Variants in ATP10B observed in about 807,000 individuals in gnomAD.
The protein encoded by ATP10B is phospholipid-transporting ATPase VB.
In ATP10B, 122 loss-of-function variants were observed where a neutral mutation model predicts 141.2. The observed-to-expected ratio is 0.86, with a 90% CI of 0.75 to 1.00. The LOEUF (loss-of-function observed/expected upper bound fraction) is 1.00. Among genes scored for constraint, ATP10B ranks in the 50% least tolerant of loss-of-function variants. ATP10B has a pLI of 0.00. For missense variants in ATP10B, 1,876 were observed against 1,825.3 expected (o/e 1.03, Z -0.51); for synonymous variants, 685 against 692.0 (o/e 0.99, Z 0.16).
At chr5:160,592,530 T>C (rs1298020824) in intron 22 of ATP10B, among the ~76,000 whole-genome samples, 1 of 152,156 alleles carries the variant, frequency 6.6e-6, no homozygotes, top group Admixed American at 6.5e-5. Flanking sequence ...AGGTACCGGG[T>C]TCATCTCACT....
At chr5:160,774,508 T>C (rs911901544) in intron 2 of ATP10B, among the ~76,000 whole-genome samples, 4 of 152,204 alleles carry the variant, frequency 2.6e-5, no homozygotes, top group Non-Finnish European at 5.9e-5. Context: ...ACATCATATC[T>C]GCAAGCTGTT....
Position 160,652,868 on chromosome 5 carries a change from A to T in ATP10B, c.676-3612T>A, listed in dbSNP as rs1414355978. On this transcript the variant is annotated intron_variant, in intron 7 of 25. Coordinates refer to ENST00000327245, the MANE Select transcript of ATP10B (RefSeq NM_025153.3). ...ATAAAAAGATTATAAATTATATATA[A>T]TATATATAATATATATATAATTATA... Among the ~76,000 whole-genome samples the T allele has an allele frequency of 3.0e-3, 196 of 66,134 alleles. 7 individuals are homozygous for T. Among genetic ancestry groups the T allele is most frequent in the African/African-American group, 0.01 (190 of 18,884 alleles). 43.4% of individuals were successfully genotyped at this position (66,134 alleles called of 152,430 possible).
intron 1 of ATP10B, among the ~76,000 whole-genome samples, chr5:160,824,645 T>TTC (rs1437965594): frequency 1.3e-5 from 2 of 152,078 alleles, no homozygotes; most frequent in Admixed American, 1.3e-4. Context: ...AAATACAGCA[T>TTC]GTTTCTTTGC....
Position 160,643,394 on chromosome 5 carries a change from T to C in ATP10B, c.868+744A>G, listed in dbSNP as rs183570677. Among the ~76,000 whole-genome samples the C allele has an allele frequency of 3.1e-4, 47 of 152,292 alleles. 1 individual carries two copies. The highest frequency in any genetic ancestry group is 2.6e-3 in the Admixed American group (39 of 15,292). On this transcript the variant is annotated intron_variant, in intron 9 of 25. Coordinates refer to ENST00000327245, the MANE Select transcript of ATP10B (RefSeq NM_025153.3). ...AAAGGTAGATGCTCCAGAGAGACCATGTTTCCTCTGTTGTGGCTGAAGTCT... is the reference window on the plus strand; with the variant it reads ...AAAGGTAGATGCTCCAGAGAGACCACGTTTCCTCTGTTGTGGCTGAAGTCT...
At chr5:160,814,981 G>A (rs1773493271) in intron 1 of ATP10B, among the ~76,000 whole-genome samples, 1 of 152,106 alleles carries the variant, frequency 6.6e-6, no homozygotes, top group South Asian at 2.1e-4. Flanking sequence ...AGCTCCTGAA[G>A]GAAGCACTAA....
At chr5:160,835,699 A>G (rs547109911) in intron 1 of ATP10B, among the ~76,000 whole-genome samples, 7 of 152,218 alleles carry the variant, frequency 4.6e-5, no homozygotes, top group African/African-American at 1.7e-4. Flanking sequence ...CTTATACTGT[A>G]CATGTTTGTA....
At chr5:160,622,272 G>T in intron 14 of ATP10B, 122 bp downstream of exon 14, 1 of 925,550 alleles carries the variant, frequency 1.1e-6, no homozygotes. Context: ...GTGATGAAAT[G>T]ACACTGTTGC....
At chr5:160,873,789 AT>A in the ATP10B span, among the ~76,000 whole-genome samples, 4 of 152,196 alleles carry the variant, frequency 2.6e-5, no homozygotes, top group African/African-American at 7.2e-5. Context: ...CACCAGGAAA[AT>A]TGGGTCACTC....
chr5:160,738,219 T>G lies in ATP10B; in HGVS notation c.-330-21185A>C, dbSNP rs141790897. 2.1e-4 allele frequency among the ~76,000 whole-genome samples: 32 copies of G among 152,200 alleles called. No homozygotes were observed. In the East Asian group the frequency reaches 6.2e-3, roughly 29 times the overall value. ...TGAAAGAAGAAATAGGAAAAAACAT[T>G]TTGAAGTGAATGATAATTAAAATAA... is the stretch of plus-strand genomic sequence containing the variant. On this transcript the variant is annotated intron_variant, in intron 2 of 25. Coordinates refer to ENST00000327245, the MANE Select transcript of ATP10B (RefSeq NM_025153.3).
At chr5:160,670,696 T>C in intron 6 of ATP10B, 29 bp from the exon 7 acceptor site, 1 of 1,598,158 alleles carries the variant, frequency 6.3e-7, no homozygotes, top group South Asian at 1.1e-5. Context: ...AGGGTGTGAG[T>C]GAGCTTTAAG....
chr5:160,899,149 G>A, the ATP10B span, among the ~76,000 whole-genome samples: 1 of 151,988 alleles, frequency 6.6e-6, no homozygotes, highest in Admixed American at 6.6e-5. Context: ...ATAATAAAAA[G>A]AGACAATATA....
At chr5:160,688,464 G>A (rs1763895549) in intron 4 of ATP10B, among the ~76,000 whole-genome samples, 1 of 152,154 alleles carries the variant, frequency 6.6e-6, no homozygotes, top group South Asian at 2.1e-4. Context: ...GGGCTGTCAG[G>A]GATAGCTAAA....
chr5:160,879,543 A>AT, the ATP10B span, among the ~76,000 whole-genome samples: 1 of 151,612 alleles, frequency 6.6e-6, no homozygotes, highest in Non-Finnish European at 1.5e-5. Flanking sequence ...AAATTAAAAA[A>AT]AAAAAAAAAA....
In ATP10B at chr5:160,659,468, T is replaced by TAAAAAC. The variant is rs10546331; in HGVS notation, c.676-10218_676-10213dup. Among the ~76,000 whole-genome samples, 660 of 151,636 alleles carry TAAAAAC rather than the reference T, an allele frequency of 4.4e-3. 5 individuals are homozygous for TAAAAAC. The highest frequency in any genetic ancestry group is 9.8e-3 in the African/African-American group (405 of 41,172). On this transcript the variant is annotated intron_variant, in intron 7 of 25. Coordinates refer to ENST00000327245, the MANE Select transcript of ATP10B (RefSeq NM_025153.3). ...CAACAGTGCAAGGCTCCGTCTCAAA[T>TAAAAAC]AAAAACAAAAACAAAAACAAAAACA...
intron 1 of ATP10B, among the ~76,000 whole-genome samples, chr5:160,839,787 G>T (rs1236231154): frequency 2.0e-5 from 3 of 152,026 alleles, no homozygotes; most frequent in Non-Finnish European, 4.4e-5. Context: ...ATGGGCAAAA[G>T]CATTTGCCTG....
At chr5:160,778,329 TC>T (rs1431561688) in intron 2 of ATP10B, among the ~76,000 whole-genome samples, 1 of 152,166 alleles carries the variant, frequency 6.6e-6, no homozygotes, top group African/African-American at 2.4e-5. Context: ...AGACCACAGC[TC>T]CAAGGATGGA....
intron 3 of ATP10B, among the ~76,000 whole-genome samples, chr5:160,703,146 T>C (rs904540298): frequency 6.6e-6 from 1 of 152,132 alleles, no homozygotes; most frequent in African/African-American, 2.4e-5. Context: ...TAGAGATGAA[T>C]CTGATTGCCC....
chr5:160,854,341 T>G (rs1366721706), upstream of ATP10B, among the ~76,000 whole-genome samples: 2 of 151,934 alleles, frequency 1.3e-5, no homozygotes, highest in Non-Finnish European at 2.9e-5. Context: ...CCCCAACCCC[T>G]GACAGGCCCC....
intron 24 of ATP10B, among the ~76,000 whole-genome samples, chr5:160,579,040 G>A (rs1465248101): frequency 6.6e-6 from 1 of 151,754 alleles, no homozygotes; most frequent in South Asian, 2.1e-4. Context: ...GCTTTTTCTT[G>A]TAAATTTAAG....
Sources: gnomAD v4.1 joint callset for allele counts (sites outside exome capture counted in the v4.1 genomes callset) on GRCh38, gnomAD v4.1.1 for gene constraint, MANE v1.5 for transcripts, NCBI Gene and HGNC (gene_info 2026-07-23, HGNC 2026-07-21) for gene names.